Variants in GABRB2 observed in about 807,000 individuals in gnomAD.
The protein encoded by GABRB2 is gamma-aminobutyric acid type A receptor subunit beta2, also known as gamma-aminobutyric acid receptor subunit beta-2.
Under a neutral mutation model 54.7 loss-of-function variants are expected in GABRB2, and 16 were observed. That is an observed-to-expected ratio of 0.29 (90% CI 0.20 to 0.44). GABRB2 has a LOEUF of 0.44. GABRB2 is among the 20% of genes least tolerant of loss of function. The probability of loss-of-function intolerance (pLI) is 1.00; values close to 1 mark genes in which losing one functional copy is unlikely to be tolerated. For missense variants in GABRB2, 355 were observed against 644.0 expected, an observed-to-expected ratio of 0.55 and a Z score of 4.86; for synonymous variants, 244 against 233.8, an observed-to-expected ratio of 1.04 and a Z score of -0.40.
chr5:161,510,777 A>G (rs1030450203), intron 3 of GABRB2, among the ~76,000 whole-genome samples: 3 of 151,938 alleles, frequency 2.0e-5, no homozygotes, highest in African/African-American at 7.2e-5. Flanking sequence ...GCCTACCCTT[A>G]TGTCCAGCAT....
At chr5:161,513,521 A>G (rs1176837138) in intron 3 of GABRB2, among the ~76,000 whole-genome samples, 1 of 152,112 alleles carries the variant, frequency 6.6e-6, no homozygotes, top group Non-Finnish European at 1.5e-5. Context: ...AAGTGAATTA[A>G]TGCAGGAATG....
chr5:161,439,142 TA>T (rs1161137996), intron 4 of GABRB2, among the ~76,000 whole-genome samples: 2 of 152,138 alleles, frequency 1.3e-5, no homozygotes, highest in South Asian at 2.1e-4. Context: ...TAAACAATCC[TA>T]AAAGCATCAA....
intron 5 of GABRB2, among the ~76,000 whole-genome samples, chr5:161,367,755 A>T (rs1244212907): frequency 6.6e-6 from 1 of 152,200 alleles, no homozygotes; most frequent in African/African-American, 2.4e-5. Context: ...ATGTTACCAC[A>T]TGTTCCAAAG....
intron 4 of GABRB2, among the ~76,000 whole-genome samples, chr5:161,445,840 T>C (rs988717611): frequency 5.3e-5 from 8 of 152,156 alleles, no homozygotes; most frequent in African/African-American, 1.7e-4. Context: ...CTAAAATGTA[T>C]GAAAACCAAA....
chr5:161,417,027 C>G (rs1482539003), intron 4 of GABRB2, among the ~76,000 whole-genome samples: 5 of 152,096 alleles, frequency 3.3e-5, no homozygotes, highest in African/African-American at 9.7e-5. Flanking sequence ...ATGAACTAAA[C>G]TTCTGAAAAT....
rs1463361651 is a variant in GABRB2 at position 161,336,759 on chromosome 5, T to C, written c.552A>G (p.Thr184=). The change falls in exon 6 of 10, where the codon ACA becomes ACG. Residue 184 remains threonine (T), a synonymous_variant. Transcript: ENST00000393959. The part of the protein sequence containing the change: ...CTLEIESYGY[T]TDDIEFYWRG... ...GCCAGTAAAACTCAATGTCATCAGTTGTGTATCCATCTGTGAAAGGAAACA... is the reference window on the plus strand; with the variant it reads ...GCCAGTAAAACTCAATGTCATCAGTCGTGTATCCATCTGTGAAAGGAAACA... The C allele has an allele frequency of 1.2e-6, 2 of 1,611,122 alleles. No homozygotes were observed. Among genetic ancestry groups the C allele is most frequent in the Non-Finnish European group, 1.7e-6 (2 of 1,179,366 alleles).
At chr5:161,514,821 A>G (rs2113413529) in intron 3 of GABRB2, among the ~76,000 whole-genome samples, 1 of 152,222 alleles carries the variant, frequency 6.6e-6, no homozygotes, top group African/African-American at 2.4e-5. Context: ...AATCAAACCA[A>G]TCTCTTTCAT....
chr5:161,436,676 A>C (rs1167488027), intron 4 of GABRB2, among the ~76,000 whole-genome samples: 1 of 152,184 alleles, frequency 6.6e-6, no homozygotes, highest in Non-Finnish European at 1.5e-5. Context: ...ATAAGAACTA[A>C]ATATCAAGTG....
intron 3 of GABRB2, among the ~76,000 whole-genome samples, chr5:161,527,072 CATA>C (rs1760306115): frequency 6.6e-6 from 1 of 151,210 alleles, no homozygotes; most frequent in South Asian, 2.1e-4. Context: ...TAAGTAGAAA[CATA>C]ATAAGATATC....
chr5:161,526,823 G>A (rs959721982), intron 3 of GABRB2, among the ~76,000 whole-genome samples: 1 of 151,396 alleles, frequency 6.6e-6, no homozygotes, highest in Non-Finnish European at 1.5e-5. Flanking sequence ...TAAGAAATAT[G>A]CAAGACCTAC....
chr5:161,326,902 A>G, intron 8 of GABRB2: 1 of 735,566 alleles, frequency 1.4e-6, no homozygotes, highest in Non-Finnish European at 1.7e-6. Flanking sequence ...CTTGATTCTC[A>G]AATATGCGTG....
At chr5:161,370,338 G>T (rs1755096102) in intron 5 of GABRB2, among the ~76,000 whole-genome samples, 1 of 152,174 alleles carries the variant, frequency 6.6e-6, no homozygotes. Flanking sequence ...TCACAGTGAT[G>T]ATAAATCTGA....
In GABRB2 at chr5:161,290,880, T is replaced by C. The variant is rs1308968437; in HGVS notation, c.*3201A>G. 6.6e-6 allele frequency: 1 copy of C among 152,564 alleles called. No individual in the cohort carries two copies. Among genetic ancestry groups the C allele is most frequent in the African/African-American group, 2.4e-5 (1 of 41,446 alleles). The allele number at this position is 152,564 out of a possible 1,614,324, so 9.5% of individuals were successfully genotyped here. A position where few individuals can be genotyped will look rare whatever the true frequency, so the allele number is the denominator to read the frequency against. ...TGTTGTGCTTTTGTAAGCTGACAGA[T>C]TTTTTTGTGTGTGTTCCTAATGCTA... On this transcript the variant is annotated 3_prime_UTR_variant, in exon 10 of 10. Coordinates refer to ENST00000393959, the MANE Select transcript of GABRB2 (RefSeq NM_001371727.1).
At chr5:161,534,697 T>TA (rs530765068) in intron 3 of GABRB2, among the ~76,000 whole-genome samples, 31 of 152,230 alleles carry the variant, frequency 2.0e-4, no homozygotes, top group South Asian at 4.1e-4. Context: ...GGGTACTGCC[T>TA]AAAAATAGAT....
At chr5:161,412,583 T>C (rs1361756372) in intron 4 of GABRB2, among the ~76,000 whole-genome samples, 1 of 152,246 alleles carries the variant, frequency 6.6e-6, no homozygotes, top group Non-Finnish European at 1.5e-5. Context: ...ACATTTTCAA[T>C]GGCTCTTCCA....
intron 3 of GABRB2, among the ~76,000 whole-genome samples, chr5:161,468,492 C>G (rs1758342600): frequency 6.6e-6 from 1 of 152,080 alleles, no homozygotes; most frequent in Non-Finnish European, 1.5e-5. Flanking sequence ...GAGCTCAACT[C>G]AAAGCTCAAA....
chr5:161,387,132 T>G (rs1755664383), intron 5 of GABRB2, among the ~76,000 whole-genome samples: 1 of 152,158 alleles, frequency 6.6e-6, no homozygotes, highest in African/African-American at 2.4e-5. Flanking sequence ...ATAAATGTAA[T>G]TATTTTCTAA....
chr5:161,307,908 G>T (rs1311762705), intron 9 of GABRB2, among the ~76,000 whole-genome samples: 7 of 150,806 alleles, frequency 4.6e-5, no homozygotes, highest in African/African-American at 1.5e-4. Context: ...GCCCAGGCTG[G>T]AGTGCAGTGG....
intron 3 of GABRB2, among the ~76,000 whole-genome samples, chr5:161,513,211 C>A (rs994651057): frequency 2.6e-5 from 4 of 152,008 alleles, no homozygotes; most frequent in African/African-American, 9.7e-5. Flanking sequence ...AGCTACTTAA[C>A]TACCTGAACT....
Sources: gnomAD v4.1 joint callset for allele counts (sites outside exome capture counted in the v4.1 genomes callset) on GRCh38, gnomAD v4.1.1 for gene constraint, MANE v1.5 for transcripts, NCBI Gene and HGNC (gene_info 2026-07-23, HGNC 2026-07-21) for gene names.